Variants in ARK2N observed in about 807,000 individuals in gnomAD.
ARK2N encodes the protein arkadia (RNF111) N-terminal like PKA signaling regulator 2N.
At chr18:46,252,282 CTTTT>C in the ARK2N span, among the ~76,000 whole-genome samples, 76 of 146,878 alleles carry the variant, frequency 5.2e-4, no homozygotes, top group African/African-American at 1.8e-3. Flanking sequence ...ATTTTCTTTT[CTTTT>C]TTTTTTGAGA....
the ARK2N span, among the ~76,000 whole-genome samples, chr18:46,209,845 C>G: frequency 4.6e-5 from 7 of 152,138 alleles, no homozygotes; most frequent in African/African-American, 1.7e-4. Context: ...CCGCCTGCCT[C>G]GGCCTCCCAA....
At chr18:46,229,134 A>G in the ARK2N span, among the ~76,000 whole-genome samples, 1 of 152,130 alleles carries the variant, frequency 6.6e-6, no homozygotes. Flanking sequence ...TTATAACAGA[A>G]TCATATATAT....
the ARK2N span, among the ~76,000 whole-genome samples, chr18:46,226,317 A>G: frequency 5.9e-5 from 9 of 152,170 alleles, no homozygotes; most frequent in African/African-American, 9.7e-5. Context: ...TGATATGGAG[A>G]TGGATTTTTA....
the ARK2N span, among the ~76,000 whole-genome samples, chr18:46,242,514 T>A: frequency 6.6e-6 from 1 of 152,188 alleles, no homozygotes; most frequent in African/African-American, 2.4e-5. Flanking sequence ...TTTTAAGAAA[T>A]AAAACGTGGT....
the ARK2N span, among the ~76,000 whole-genome samples, chr18:46,199,106 G>A: frequency 6.6e-6 from 1 of 152,124 alleles, no homozygotes; most frequent in African/African-American, 2.4e-5. Context: ...AAGCAGTCTG[G>A]GAGTAAATGA....
At chr18:46,195,424 C>T in the ARK2N span, among the ~76,000 whole-genome samples, 52 of 151,466 alleles carry the variant, frequency 3.4e-4, no homozygotes, top group Admixed American at 7.3e-4. Flanking sequence ...CACTGTCATT[C>T]CCATTGTAGA....
At chr18:46,207,089 T>A in the ARK2N span, among the ~76,000 whole-genome samples, 2 of 152,258 alleles carry the variant, frequency 1.3e-5, no homozygotes, top group East Asian at 3.9e-4. Flanking sequence ...TCTTACTGAT[T>A]TCAGTGTACA....
chr18:46,244,262 C>G, the ARK2N span, among the ~76,000 whole-genome samples: 1 of 152,110 alleles, frequency 6.6e-6, no homozygotes, highest in Non-Finnish European at 1.5e-5. Flanking sequence ...AAGCAGAAGT[C>G]TTGGTGAGGA....
the ARK2N span, among the ~76,000 whole-genome samples, chr18:46,175,015 A>G: frequency 6.6e-6 from 1 of 152,162 alleles, no homozygotes; most frequent in African/African-American, 2.4e-5. Flanking sequence ...GGAGTTTGTC[A>G]ACTTTATTTC....
At chr18:46,188,897 A>G in the ARK2N span, among the ~76,000 whole-genome samples, 1 of 151,880 alleles carries the variant, frequency 6.6e-6, no homozygotes. Context: ...GATTTGAGTG[A>G]CACATATCTG....
chr18:46,259,339 G>A, the ARK2N span, among the ~76,000 whole-genome samples: 3 of 151,372 alleles, frequency 2.0e-5, no homozygotes, highest in African/African-American at 4.9e-5. Context: ...CGCCTCCTGG[G>A]TTCAAGCGAT....
chr18:46,222,669 A>C, the ARK2N span, among the ~76,000 whole-genome samples: 52 of 152,326 alleles, frequency 3.4e-4, 1 homozygote, highest in South Asian at 8.3e-4. Flanking sequence ...TGTGTGTTTA[A>C]GGTGAGAATG....
At chr18:46,216,843 A>G in the ARK2N span, 384 of 423,916 alleles carry the variant, frequency 9.1e-4, 2 homozygotes, top group Middle Eastern at 0.014. The surrounding 1 kb of genome is among the most constrained non-coding windows in gnomAD (Gnocchi z 4.3). Context: ...TTTTTAAGTA[A>G]TGGAATTTCT....
the ARK2N span, among the ~76,000 whole-genome samples, chr18:46,248,822 A>G: frequency 7.2e-5 from 11 of 152,140 alleles, no homozygotes. Context: ...TGACCTCATG[A>G]TCTGCCTGCC....
At chr18:46,175,310 G>A in the ARK2N span, among the ~76,000 whole-genome samples, 3 of 152,204 alleles carry the variant, frequency 2.0e-5, no homozygotes, top group African/African-American at 7.2e-5. Context: ...ATGATACTTC[G>A]TCAAGGTTGG....
chr18:46,252,392 T>C, the ARK2N span, among the ~76,000 whole-genome samples: 2 of 152,006 alleles, frequency 1.3e-5, no homozygotes, highest in Non-Finnish European at 2.9e-5. Context: ...TTCTCTATCC[T>C]TAGCCTCCTG....
chr18:46,196,354 C>T, the ARK2N span, among the ~76,000 whole-genome samples: 10 of 151,602 alleles, frequency 6.6e-5, no homozygotes, highest in African/African-American at 2.2e-4. Context: ...CTCTGCCTGC[C>T]GGGTTCATTC....
chr18:46,229,006 A>G, the ARK2N span: 2 of 385,416 alleles, frequency 5.2e-6, no homozygotes, highest in Non-Finnish European at 4.6e-6. Flanking sequence ...TGGCAGAAAG[A>G]TAAGGAATGC....
the ARK2N span, among the ~76,000 whole-genome samples, chr18:46,225,602 GA>G: frequency 2.0e-5 from 3 of 152,118 alleles, no homozygotes; most frequent in Non-Finnish European, 4.4e-5. Flanking sequence ...GGGATTCCAG[GA>G]GCCCGCCACC....
Sources: gnomAD v4.1 joint callset for allele counts (sites outside exome capture counted in the v4.1 genomes callset) on GRCh38, gnomAD v4.1.1 for gene constraint, Gnocchi (gnomAD v3.1) non-coding constraint, MANE v1.5 for transcripts, NCBI Gene and HGNC (gene_info 2026-07-23, HGNC 2026-07-21) for gene names.